TAFA2: variants seen among roughly 807,000 people sequenced by gnomAD.
TAFA2 encodes the protein chemokine-like protein TAFA-2.
Under a neutral mutation model 18.8 loss-of-function variants are expected in TAFA2, and 7 were observed. That is an observed-to-expected ratio of 0.37 (90% CI 0.21 to 0.70). TAFA2 has a LOEUF of 0.70. Among genes scored for constraint, TAFA2 ranks in the 30% least tolerant of loss-of-function variants. The pLI is 0.53. For missense variants in TAFA2, 122 were observed against 158.1 expected, an observed-to-expected ratio of 0.77 and a Z score of 1.23; for synonymous variants, 60 against 54.2, an observed-to-expected ratio of 1.11 and a Z score of -0.47.
rs1306284252 is a variant in TAFA2 at position 62,191,627 on chromosome 12, C to T, written c.-370G>A. The T allele has an allele frequency of 6.6e-6, 1 of 152,256 alleles. No individual in the cohort carries two copies. Among genetic ancestry groups the T allele is most frequent in the African/African-American group, 2.4e-5 (1 of 41,462 alleles). 9.4% of individuals were successfully genotyped at this position (152,256 alleles called of 1,614,324 possible). A position where few individuals can be genotyped will look rare whatever the true frequency, so the allele number is the denominator to read the frequency against. The stretch of plus-strand genomic sequence containing the variant: ...AAAGATTTGTTTACTGAGGAAAAGC[C>T]AAAGTCCCGCAGCCCTTGGCAGCGC... On this transcript the variant is annotated 5_prime_UTR_variant, in exon 1 of 5. Transcript: ENST00000416284.
At chr12:62,082,955 G>T (rs753669045) in intron 1 of TAFA2, among the ~76,000 whole-genome samples, 2 of 152,012 alleles carry the variant, frequency 1.3e-5, no homozygotes, top group African/African-American at 2.4e-5. Flanking sequence ...CCCTTTGAGA[G>T]TAGGTGCTAT....
chr12:62,228,389 T>TAA (rs1404163285), intron 1 of TAFA2, among the ~76,000 whole-genome samples: 1 of 152,224 alleles, frequency 6.6e-6, no homozygotes, highest in Non-Finnish European at 1.5e-5. Flanking sequence ...TATTTTCCTG[T>TAA]GGGTATATAC....
intron 1 of TAFA2, among the ~76,000 whole-genome samples, chr12:61,928,845 T>A (rs879260034): frequency 1.3e-5 from 2 of 151,120 alleles, no homozygotes; most frequent in African/African-American, 2.4e-5. Context: ...AAAAAAAACA[T>A]GAGTCTGTTG....
At chr12:62,082,984 G>C (rs998968157) in intron 1 of TAFA2, among the ~76,000 whole-genome samples, 20 of 151,922 alleles carry the variant, frequency 1.3e-4, no homozygotes, top group Non-Finnish European at 2.5e-4. Context: ...TCCTTTTACA[G>C]ATGAGGAAAC....
chr12:62,160,103 G>A (rs577811318), intron 1 of TAFA2, among the ~76,000 whole-genome samples: 143 of 152,276 alleles, frequency 9.4e-4, no homozygotes, highest in Non-Finnish European at 1.6e-3. Context: ...AGCTCAAAGA[G>A]GCAAACTAGT....
intron 1 of TAFA2, among the ~76,000 whole-genome samples, chr12:62,198,828 T>C (rs1353277089): frequency 6.6e-6 from 1 of 152,194 alleles, no homozygotes; most frequent in African/African-American, 2.4e-5. Flanking sequence ...AAATACTCTA[T>C]AAATACTTTG....
intron 4 of TAFA2, among the ~76,000 whole-genome samples, chr12:61,743,980 A>G (rs1381828878): frequency 6.6e-6 from 1 of 151,870 alleles, no homozygotes; most frequent in African/African-American, 2.4e-5. Flanking sequence ...AAGTCCTACG[A>G]GGTGCCATTT....
chr12:61,814,328 G>A (rs1158483918), intron 2 of TAFA2, among the ~76,000 whole-genome samples: 3 of 151,376 alleles, frequency 2.0e-5, no homozygotes, highest in Admixed American at 1.3e-4. Flanking sequence ...GGGGCAAGAC[G>A]AAGTTGTGGA....
At chr12:61,786,694 C>G (rs1870752427) in intron 2 of TAFA2, among the ~76,000 whole-genome samples, 1 of 151,514 alleles carries the variant, frequency 6.6e-6, no homozygotes, top group East Asian at 1.9e-4. Flanking sequence ...TGAAACAATA[C>G]ACTAGATAGG....
chr12:61,983,461 G>A (rs1592529807), intron 1 of TAFA2, among the ~76,000 whole-genome samples: 1 of 152,162 alleles, frequency 6.6e-6, no homozygotes, highest in East Asian at 1.9e-4. Context: ...AGGCTGGAGT[G>A]CAGTGGTGCA....
chr12:61,783,793 C>T (rs1870609833), intron 2 of TAFA2, among the ~76,000 whole-genome samples: 1 of 151,452 alleles, frequency 6.6e-6, no homozygotes, highest in Admixed American at 6.6e-5. Flanking sequence ...AAGTCAGTGT[C>T]CTATATTGAT....
intron 1 of TAFA2, among the ~76,000 whole-genome samples, chr12:62,063,880 A>ACG (rs1555187224): frequency 3.3e-5 from 5 of 151,950 alleles, no homozygotes; most frequent in African/African-American, 1.2e-4. Context: ...ACACACACAC[A>ACG]CACATGCATA....
At chr12:61,872,688 G>A (rs1192558852) in intron 1 of TAFA2, among the ~76,000 whole-genome samples, 1 of 151,876 alleles carries the variant, frequency 6.6e-6, no homozygotes, top group Admixed American at 6.6e-5. Flanking sequence ...AAGCACACTG[G>A]CTCTCCCACT....
intron 2 of TAFA2, among the ~76,000 whole-genome samples, chr12:61,856,818 T>C (rs1480938497): frequency 6.6e-6 from 1 of 151,846 alleles, no homozygotes; most frequent in East Asian, 1.9e-4. Context: ...CAGTTATATA[T>C]GTGAATGTTT....
chr12:62,114,825 A>C (rs1482999650), intron 1 of TAFA2, among the ~76,000 whole-genome samples: 1 of 152,172 alleles, frequency 6.6e-6, no homozygotes, highest in Non-Finnish European at 1.5e-5. Context: ...ACAAAGTCTC[A>C]CTATTATATT....
intron 1 of TAFA2, among the ~76,000 whole-genome samples, chr12:61,926,571 C>T (rs1157189292): frequency 6.6e-6 from 1 of 152,102 alleles, no homozygotes; most frequent in Admixed American, 6.6e-5. Context: ...GAATCCATTA[C>T]ATAAATTGAA....
chr12:61,780,011 G>A (rs1386594971), intron 2 of TAFA2, among the ~76,000 whole-genome samples: 2 of 151,818 alleles, frequency 1.3e-5, no homozygotes, highest in African/African-American at 4.8e-5. Context: ...GCTTAGAGAT[G>A]TGTTTGAGGA....
intron 1 of TAFA2, among the ~76,000 whole-genome samples, chr12:62,177,404 G>C (rs967845162): frequency 1.3e-5 from 2 of 152,242 alleles, no homozygotes; most frequent in Non-Finnish European, 2.9e-5. Context: ...ACAATAGAGA[G>C]AGAGGTGACT....
chr12:62,169,311 T>G (rs2062461192), intron 1 of TAFA2, among the ~76,000 whole-genome samples: 1 of 152,182 alleles, frequency 6.6e-6, no homozygotes, highest in Admixed American at 6.5e-5. Flanking sequence ...ACTCCAATAC[T>G]AGTTGTCTGA....
Sources: allele counts gnomAD v4.1 joint callset (sites outside exome capture counted in the v4.1 genomes callset), GRCh38; gene constraint gnomAD v4.1.1; transcripts MANE v1.5; gene names NCBI Gene and HGNC (gene_info 2026-07-23, HGNC 2026-07-21).